FSHR: variants seen among roughly 807,000 people sequenced by gnomAD.
The protein encoded by FSHR is follicle-stimulating hormone receptor.
A neutral mutation model predicts 52.1 loss-of-function variants in FSHR; 46 were observed. That is an observed-to-expected ratio of 0.88 (90% CI 0.70 to 1.13). The LOEUF (loss-of-function observed/expected upper bound fraction) is 1.13, where lower values mean the gene tolerates loss of function less well. FSHR is among the 50% of genes most tolerant of loss of function. The pLI is 0.00. For missense variants in FSHR, 964 were observed against 834.6 expected (o/e 1.16, Z -1.91); for synonymous variants, 399 against 309.6 (o/e 1.29, Z -3.03).
intron 1 of FSHR, among the ~76,000 whole-genome samples, chr2:49,129,517 C>T (rs1024825584): frequency 6.6e-6 from 1 of 152,182 alleles, no homozygotes; most frequent in Admixed American, 6.5e-5. Context: ...TCAGTCCTCA[C>T]TGATGTGAGC....
At position 49,142,676 on chromosome 2, in the gene FSHR, A is replaced by ATGCATTT. The variant is rs1465548478; in HGVS notation, c.152+11589_152+11590insAAATGCA. ...TGCCTCTAGCTGCTGCATAGGGGAT[A>ATGCATTT]GACTGTTAATTCAAGTGAAACAAGG... On this transcript the variant is annotated intron_variant, in intron 1 of 9. Transcript: ENST00000406846. Among the ~76,000 whole-genome samples, 9 of 152,224 alleles carry ATGCATTT rather than the reference A, an allele frequency of 5.9e-5. 1 individual carries two copies. The South Asian group carries it at 1.7e-3, about 28-fold the overall frequency.
At chr2:49,016,002 C>T (rs984515228) in intron 4 of FSHR, among the ~76,000 whole-genome samples, 6 of 152,104 alleles carry the variant, frequency 3.9e-5, no homozygotes, top group African/African-American at 4.8e-5. Flanking sequence ...TCTGGGGTAG[C>T]TGTCAGAGAG....
At chr2:49,000,622 G>A (rs577145509) in intron 4 of FSHR, among the ~76,000 whole-genome samples, 26 of 152,268 alleles carry the variant, frequency 1.7e-4, no homozygotes, top group African/African-American at 6.0e-4. Flanking sequence ...AAGTAGTGTG[G>A]AGAGTTAAAT....
intron 8 of FSHR, among the ~76,000 whole-genome samples, chr2:48,974,416 T>G (rs1249802434): frequency 6.6e-6 from 1 of 152,254 alleles, no homozygotes; most frequent in Non-Finnish European, 1.5e-5. Flanking sequence ...ACAAGACATA[T>G]GTGCTGCTGC....
Position 48,991,358 on chromosome 2 carries a change from A to G in FSHR, c.375-721T>C, listed in dbSNP as rs534758905. The stretch of plus-strand genomic sequence containing the variant: ...CAAGGAGGTGAAGCTAAGCAATACT[A>G]CCACTACTGGTGATTAGTTCCTAAT... On this transcript the variant is annotated intron_variant, in intron 4 of 9. Coordinates refer to ENST00000406846, the MANE Select transcript of FSHR (RefSeq NM_000145.4). Among the ~76,000 whole-genome samples, 88 of 152,268 alleles carry G rather than the reference A, an allele frequency of 5.8e-4. 3 individuals are homozygous for G. In the South Asian group the frequency reaches 8.3e-3, roughly 14 times the overall value.
chr2:49,109,086 G>T (rs375437198), intron 1 of FSHR, among the ~76,000 whole-genome samples: 2 of 147,582 alleles, frequency 1.4e-5, no homozygotes, highest in Admixed American at 1.3e-4. Flanking sequence ...GACAGGAAAA[G>T]GTATGCAGGG....
At chr2:49,130,748 C>A (rs1028398091) in intron 1 of FSHR, among the ~76,000 whole-genome samples, 3 of 152,160 alleles carry the variant, frequency 2.0e-5, no homozygotes, top group African/African-American at 7.2e-5. Context: ...GACATTCACC[C>A]AGTTGCTCTG....
At chr2:49,056,348 A>G (rs2104314189) in intron 2 of FSHR, among the ~76,000 whole-genome samples, 1 of 151,766 alleles carries the variant, frequency 6.6e-6, no homozygotes, top group South Asian at 2.1e-4. Context: ...TACTTACATC[A>G]GAAAAACAGA....
chr2:49,046,392 A>T (rs1481332243), intron 2 of FSHR, among the ~76,000 whole-genome samples: 1 of 152,200 alleles, frequency 6.6e-6, no homozygotes, highest in Non-Finnish European at 1.5e-5. Flanking sequence ...CTTTGGAGTA[A>T]GAATGCCTGG....
chr2:49,051,868 T>C (rs964056014), intron 2 of FSHR, among the ~76,000 whole-genome samples: 2 of 152,158 alleles, frequency 1.3e-5, no homozygotes, highest in Admixed American at 1.3e-4. Context: ...ATTTTGTGTA[T>C]AACATGAGGT....
At chr2:48,964,945 A>G (rs933490012) in intron 9 of FSHR, among the ~76,000 whole-genome samples, 5 of 152,178 alleles carry the variant, frequency 3.3e-5, no homozygotes, top group African/African-American at 1.2e-4. Context: ...TTTGGAAGCA[A>G]AGGCTTGTGG....
chr2:48,985,938 T>G (rs575565184), intron 6 of FSHR, among the ~76,000 whole-genome samples: 1 of 151,646 alleles, frequency 6.6e-6, no homozygotes. Context: ...TGGTCTCGAT[T>G]TCCTGACCTC....
chr2:49,010,729 A>G (rs1354148674), intron 4 of FSHR, among the ~76,000 whole-genome samples: 2 of 152,108 alleles, frequency 1.3e-5, no homozygotes, highest in Non-Finnish European at 2.9e-5. Context: ...CTATTCAGAG[A>G]TTCAACTTCT....
chr2:49,052,267 T>C (rs558148714), intron 2 of FSHR, among the ~76,000 whole-genome samples: 24 of 152,146 alleles, frequency 1.6e-4, no homozygotes, highest in African/African-American at 5.5e-4. Flanking sequence ...TATCAGGTAC[T>C]AATATGACCT....
chr2:49,101,280 G>T (rs1490671032), intron 1 of FSHR, among the ~76,000 whole-genome samples: 1 of 152,106 alleles, frequency 6.6e-6, no homozygotes, highest in Non-Finnish European at 1.5e-5. Context: ...AGTTGTGAGA[G>T]ACTCAAACAT....
At chr2:49,106,229 T>C (rs757815394) in intron 1 of FSHR, among the ~76,000 whole-genome samples, 11 of 152,066 alleles carry the variant, frequency 7.2e-5, no homozygotes, top group Non-Finnish European at 1.2e-4. Flanking sequence ...ACATTTGAAG[T>C]GCAAACACTG....
intron 4 of FSHR, among the ~76,000 whole-genome samples, chr2:48,991,641 G>C (rs1438383606): frequency 6.6e-6 from 1 of 152,228 alleles, no homozygotes; most frequent in Non-Finnish European, 1.5e-5. Flanking sequence ...GCCAGGTGTT[G>C]TCCAGTTGCA....
chr2:49,147,336 G>A (rs947632389), intron 1 of FSHR, among the ~76,000 whole-genome samples: 2 of 151,968 alleles, frequency 1.3e-5, no homozygotes, highest in African/African-American at 2.4e-5. Flanking sequence ...AAATCTAAGC[G>A]CCTAAAGAAA....
At chr2:49,127,900 T>TCTTCTTCTTC (rs1483408974) in intron 1 of FSHR, among the ~76,000 whole-genome samples, 5 of 113,508 alleles carry the variant, frequency 4.4e-5, no homozygotes, top group Admixed American at 8.8e-5. Context: ...TTCTTCTTCT[T>TCTTCTTCTTC]TTTTTTTTTT....
Sources: gnomAD v4.1 joint callset for allele counts (sites outside exome capture counted in the v4.1 genomes callset) on GRCh38, gnomAD v4.1.1 for gene constraint, MANE v1.5 for transcripts, NCBI Gene and HGNC (gene_info 2026-07-23, HGNC 2026-07-21) for gene names.